LHFPL3: variants seen among roughly 807,000 people sequenced by gnomAD.
LHFPL3 encodes the protein LHFPL tetraspan subfamily member 3, also known as LHFPL tetraspan subfamily member 3 protein.
LHFPL3 carries 5 observed loss-of-function variants against 19.3 expected under a neutral mutation model. The observed-to-expected ratio is 0.26, with a 90% CI of 0.14 to 0.54. The LOEUF (loss-of-function observed/expected upper bound fraction) is 0.54, where lower values mean the gene tolerates loss of function less well. Ranked by LOEUF, LHFPL3 falls within the 20% of genes least tolerant of loss-of-function variation. The pLI is 0.94. For missense variants in LHFPL3, 249 were observed against 307.4 expected, an observed-to-expected ratio of 0.81 and a Z score of 1.42; for synonymous variants, 133 against 126.2, an observed-to-expected ratio of 1.05 and a Z score of -0.36.
intron 1 of LHFPL3, among the ~76,000 whole-genome samples, chr7:104,464,636 G>T (rs1425438041): frequency 6.6e-6 from 1 of 152,250 alleles, no homozygotes; most frequent in Non-Finnish European, 1.5e-5. Context: ...GCGAAGGCTT[G>T]GGGCTTGCAG....
chr7:104,693,148 T>C (rs7801294), intron 1 of LHFPL3, among the ~76,000 whole-genome samples: 78,692 of 152,082 alleles, frequency 0.52, 20,638 homozygotes, highest in East Asian at 0.59. Flanking sequence ...GTAGCCCCTT[T>C]GTTTTGGCCA....
intron 1 of LHFPL3, among the ~76,000 whole-genome samples, chr7:104,705,857 G>T (rs940772454): frequency 6.6e-6 from 1 of 152,110 alleles, no homozygotes; most frequent in African/African-American, 2.4e-5. Flanking sequence ...GATGAGTGGG[G>T]TCTGGCAGCT....
At chr7:104,782,586 T>A (rs774519659) in intron 2 of LHFPL3, among the ~76,000 whole-genome samples, 5 of 152,236 alleles carry the variant, frequency 3.3e-5, no homozygotes, top group Admixed American at 1.3e-4. Context: ...CCTGCTCCCA[T>A]GTGTGTGCAT....
intron 1 of LHFPL3, among the ~76,000 whole-genome samples, chr7:104,369,185 A>C (rs1402915198): frequency 1.3e-5 from 2 of 152,168 alleles, no homozygotes; most frequent in Admixed American, 6.5e-5. Flanking sequence ...CAACCCCCCC[A>C]AAATTCTCTT....
chr7:104,892,726 A>G (rs914733560), intron 2 of LHFPL3, among the ~76,000 whole-genome samples: 2 of 151,862 alleles, frequency 1.3e-5, no homozygotes, highest in African/African-American at 4.8e-5. Flanking sequence ...AAAAAAAAAA[A>G]AAAAAATCCT....
At chr7:104,845,472 C>T (rs1180071607) in intron 2 of LHFPL3, 4 of 1,528,986 alleles carry the variant, frequency 2.6e-6, no homozygotes, top group Admixed American at 2.0e-5. Context: ...CTGTTTTGTG[C>T]GCTTCTGCCT....
At chr7:104,736,166 G>T (rs1331827989) in intron 1 of LHFPL3, among the ~76,000 whole-genome samples, 1 of 152,142 alleles carries the variant, frequency 6.6e-6, no homozygotes, top group Non-Finnish European at 1.5e-5. Flanking sequence ...CTTTTCTGTG[G>T]CAGGGGAAGA....
chr7:104,662,548 C>G (rs1792245026), intron 1 of LHFPL3, among the ~76,000 whole-genome samples: 1 of 152,162 alleles, frequency 6.6e-6, no homozygotes, highest in Admixed American at 6.5e-5. Context: ...AGTCAAATCT[C>G]TCTATAACTG....
At chr7:104,672,888 G>A (rs549524214) in intron 1 of LHFPL3, among the ~76,000 whole-genome samples, 136 of 151,780 alleles carry the variant, frequency 9.0e-4, no homozygotes, top group Non-Finnish European at 1.7e-3. Context: ...AATGCTCGGG[G>A]TTTCTGCTTT....
At chr7:104,865,806 T>C (rs1791710228) in intron 2 of LHFPL3, among the ~76,000 whole-genome samples, 1 of 151,844 alleles carries the variant, frequency 6.6e-6, no homozygotes, top group African/African-American at 2.4e-5. Flanking sequence ...AAGGAAAAAA[T>C]GTTAAGGGCA....
chr7:104,578,203 G>A (rs989867333), intron 1 of LHFPL3, among the ~76,000 whole-genome samples: 1 of 152,214 alleles, frequency 6.6e-6, no homozygotes, highest in Non-Finnish European at 1.5e-5. Context: ...AGGATTCACA[G>A]TATCATAGAC....
intron 1 of LHFPL3, among the ~76,000 whole-genome samples, chr7:104,383,309 G>A (rs1019559735): frequency 6.6e-6 from 1 of 152,162 alleles, no homozygotes; most frequent in Non-Finnish European, 1.5e-5. Context: ...AGGGTCTTGG[G>A]CCACAAGGAC....
intron 2 of LHFPL3, among the ~76,000 whole-genome samples, chr7:104,758,505 T>C (rs1228987019): frequency 6.6e-6 from 1 of 152,192 alleles, no homozygotes; most frequent in East Asian, 1.9e-4. Flanking sequence ...TCTCTTTCAG[T>C]TCTACCCACT....
rs180751213 is a variant in LHFPL3, at chr7:104,422,471, C to T, written c.445+93247C>T. Among the ~76,000 whole-genome samples the T allele has an allele frequency of 1.6e-4, 24 of 152,362 alleles. 1 individual carries two copies. The East Asian group carries it at 4.0e-3, about 26-fold the overall frequency. ...ACAATTGGCATAGTTCTTCTAATGA[C>T]AGTCTCTCTAGTATCTTTCTCCTCC... On this transcript the variant is annotated intron_variant, in intron 1 of 2. Coordinates refer to ENST00000424859, the MANE Select transcript of LHFPL3 (RefSeq NM_199000.3).
chr7:104,374,761 A>G (rs1790677507), intron 1 of LHFPL3, among the ~76,000 whole-genome samples: 2 of 152,158 alleles, frequency 1.3e-5, no homozygotes, highest in Admixed American at 1.3e-4. Flanking sequence ...ATGATTCTGG[A>G]ACCTACTAGA....
chr7:104,623,283 A>G (rs1351893231), intron 1 of LHFPL3, among the ~76,000 whole-genome samples: 2 of 144,286 alleles, frequency 1.4e-5, no homozygotes, highest in African/African-American at 2.7e-5. Context: ...GTACCATTTG[A>G]AAAAAAAAAA....
intron 1 of LHFPL3, among the ~76,000 whole-genome samples, chr7:104,556,961 C>A (rs1789850071): frequency 6.6e-6 from 1 of 152,170 alleles, no homozygotes; most frequent in Admixed American, 6.5e-5. Context: ...TAAAACATAG[C>A]AAGAGCCACC....
At chr7:104,683,641 G>A (rs1318002871) in intron 1 of LHFPL3, among the ~76,000 whole-genome samples, 4 of 152,310 alleles carry the variant, frequency 2.6e-5, no homozygotes, top group Non-Finnish European at 2.9e-5. Context: ...CAGGAGGAGT[G>A]TGTGTTTTCT....
At chr7:104,751,760 T>C (rs980010450) in intron 2 of LHFPL3, among the ~76,000 whole-genome samples, 12 of 152,188 alleles carry the variant, frequency 7.9e-5, no homozygotes, top group African/African-American at 2.4e-4. Flanking sequence ...AAAAGACTTG[T>C]ATCTGGCCTC....
Sources: gnomAD v4.1 joint callset for allele counts (sites outside exome capture counted in the v4.1 genomes callset) on GRCh38, gnomAD v4.1.1 for gene constraint, MANE v1.5 for transcripts, NCBI Gene and HGNC (gene_info 2026-07-23, HGNC 2026-07-21) for gene names.